Variants in PSG8 observed in about 807,000 individuals in gnomAD.
PSG8 encodes the protein pregnancy specific beta-1-glycoprotein 8, also known as pregnancy-specific beta-1-glycoprotein 8.
In PSG8, 57 loss-of-function variants were observed where a neutral mutation model predicts 42.5. The ratio of observed to expected loss-of-function variants is 1.34; its 90% CI spans 1.08 to 1.67. PSG8 has a LOEUF of 1.67. PSG8 is among the 40% of genes most tolerant of loss of function. The pLI, the probability that PSG8 is intolerant of heterozygous loss-of-function variation, is 0.00. For synonymous variants in PSG8, 280 were observed against 196.8 expected (o/e 1.42, Z -3.54); for missense variants, 783 against 518.6 (o/e 1.51, Z -4.95).
intron 3 of PSG8, chr19:42,756,049 G>A (rs1207093855): frequency 6.6e-6 from 1 of 152,366 alleles, no homozygotes; most frequent in African/African-American, 2.4e-5. Context: ...GGACCATGTG[G>A]ATCTTTCCAG....
At chr19:42,757,462 A>T (rs959412201) in intron 3 of PSG8, among the ~76,000 whole-genome samples, 1 of 152,002 alleles carries the variant, frequency 6.6e-6, no homozygotes, top group African/African-American at 2.4e-5. Context: ...ACTTGTGCTG[A>T]TTGCTGGAAC....
chr19:42,765,253 C>T (rs183412987), intron 1 of PSG8, among the ~76,000 whole-genome samples: 21 of 151,682 alleles, frequency 1.4e-4, no homozygotes, highest in African/African-American at 2.2e-4. Flanking sequence ...CCTGGGTTCA[C>T]GTGATTCTTC....
chr19:42,753,372 C>T (rs756918298), downstream of PSG8: 13 of 780,136 alleles, frequency 1.7e-5, no homozygotes, highest in African/African-American at 5.1e-5. Context: ...AGGGTAATGT[C>T]CAGTCTACAG....
intron 3 of PSG8, 65 bp downstream of exon 3, chr19:42,757,937 C>T (rs1221836144): frequency 2.5e-5 from 41 of 1,613,686 alleles, no homozygotes; most frequent in African/African-American, 4.0e-5. Flanking sequence ...GACTGAGAGG[C>T]CTGGTCTCTG....
intron 2 of PSG8, among the ~76,000 whole-genome samples, chr19:42,760,060 G>A (rs1256962470): frequency 6.6e-6 from 1 of 152,158 alleles, no homozygotes; most frequent in Non-Finnish European, 1.5e-5. Flanking sequence ...TCTAAATTCT[G>A]TGCAGAGTTA....
intron 2 of PSG8, among the ~76,000 whole-genome samples, chr19:42,763,527 G>T (rs1970129319): frequency 1.3e-5 from 2 of 152,142 alleles, no homozygotes; most frequent in African/African-American, 4.8e-5. Flanking sequence ...ACTGTTCTGG[G>T]GGTGAGGCTT....
chr19:42,755,061 T>C lies in PSG8; in HGVS notation c.915A>G (p.Thr305=), dbSNP rs1438518130. The part of the protein sequence containing the change: ...LILPSVTRNE[T]GPYQCEIRDQ... ...CCCTTATTTCACATTGATAGGGTCC[T>C]GTTTCATTTCTCGTGACACTGGGTA... Residue 305 remains threonine, a synonymous_variant, in exon 4 of 5, where the codon ACA becomes ACG. Coordinates refer to ENST00000306511, the MANE Select transcript of PSG8 (RefSeq NM_182707.3). 2 of 1,612,808 alleles carry C rather than the reference T, an allele frequency of 1.2e-6. No homozygotes were observed. The highest frequency in any genetic ancestry group is 1.9e-4 in the Middle Eastern group (1 of 5,214).
chr19:42,761,987 T>G (rs1970088210), intron 2 of PSG8, among the ~76,000 whole-genome samples: 1 of 151,980 alleles, frequency 6.6e-6, no homozygotes, highest in Admixed American at 6.5e-5. Context: ...TGGAAGCTCA[T>G]TCTCTTAGTG....
Position 42,755,917 on chromosome 19 carries a change from G to A in PSG8, c.710-651C>T, listed in dbSNP as rs998584115. ...TGAACCAGTGACCTCTAAAGATAGA[G>A]CAGAGTGCAAGGAATGATCTAGAAA... On this transcript the variant is annotated intron_variant, in intron 3 of 4. Transcript: ENST00000306511. 1.9e-5 allele frequency: 3 copies of A among 156,222 alleles called. No individual in the cohort carries two copies. In the East Asian group the frequency reaches 5.7e-4, roughly 30 times the overall value. 9.7% of individuals were successfully genotyped at this position (156,222 alleles called of 1,614,324 possible).
chr19:42,761,851 T>TTC (rs1970084139), intron 2 of PSG8, among the ~76,000 whole-genome samples: 1 of 130,160 alleles, frequency 7.7e-6, no homozygotes. Context: ...TTTTTTTTTT[T>TTC]TGTGCAGGAG....
At chr19:42,752,943 G>GGGTTGAGACGGTTGAGA, downstream of PSG8, 1 of 352,268 alleles carries the variant, frequency 2.8e-6, no homozygotes, top group Middle Eastern at 8.1e-4. Flanking sequence ...GAGATGTTAT[G>GGGTTGAGACGGTTGAGA]TAAAAGTTTG....
Position 42,764,012 on chromosome 19 carries a change from C to G in PSG8, c.334G>C (p.Val112Leu). The change falls in exon 2 of 5, where the codon GTC becomes CTC. Residue 112 changes from valine to leucine, a missense_variant. Transcript: ENST00000306511. The stretch of plus-strand genomic sequence containing the variant: ...TAGGATCCTGCGTCTTCCTGGGTGA[C>G]ATTCTGGATCAGCAGGGATGCATTG... ...YSNASLLIQN[V>L]TQEDAGSYTL... 6.2e-7 allele frequency: 1 copy of G among 1,613,068 alleles called. No individual in the cohort carries two copies. The highest frequency in any genetic ancestry group is 8.5e-7 in the Non-Finnish European group (1 of 1,179,704).
Position 42,765,573 on chromosome 19 carries a change from G to C in PSG8, c.9C>G (p.Leu3=), listed in dbSNP as rs753133021. Residue 3 remains leucine (L), a synonymous_variant, in exon 1 of 5, where the codon CTC becomes CTG. Coordinates refer to ENST00000306511, the MANE Select transcript of PSG8 (RefSeq NM_182707.3). MG[L]LSAPPCTQRI... is the part of the protein sequence containing the mutation. Reference sequence around the variant, plus strand: ...GCTGTGTGCAGGGAGGGGCTGAGAGGAGCCCCATGGTCTCTGCTGTCTGTG... The same window carrying C: ...GCTGTGTGCAGGGAGGGGCTGAGAGCAGCCCCATGGTCTCTGCTGTCTGTG... 1.6e-5 allele frequency: 25 copies of C among 1,610,986 alleles called. No individual in the cohort carries two copies. The highest frequency in any genetic ancestry group is 1.9e-5 in the Non-Finnish European group (22 of 1,177,964).
chr19:42,762,572 CTG>C (rs1331443773), intron 2 of PSG8, among the ~76,000 whole-genome samples: 6 of 151,990 alleles, frequency 3.9e-5, no homozygotes, highest in East Asian at 1.9e-4. Context: ...GAGTGTGTGT[CTG>C]TCTCGCTGGG....
chr19:42,762,513 T>C (rs1970103486), intron 2 of PSG8, among the ~76,000 whole-genome samples: 1 of 152,044 alleles, frequency 6.6e-6, no homozygotes, highest in Non-Finnish European at 1.5e-5. Flanking sequence ...AAAGAGGTTT[T>C]GGATCATTCA....
In PSG8 at chr19:42,764,188, A is replaced by G. The variant is rs571272164; in HGVS notation, c.158T>C (p.Leu53Pro). ...TKVSEGKDVL[L>P]LVHNLPQNLT... The stretch of plus-strand genomic sequence containing the variant: ...ATTCTGGGGCAAATTGTGGACAAGT[A>G]GAAGAACATCCTTCCCCTCAGAAAC... Residue 53 changes from leucine to proline, a missense_variant, in exon 2 of 5, where the codon CTA becomes CCA. Coordinates refer to ENST00000306511, the MANE Select transcript of PSG8 (RefSeq NM_182707.3). 9.7e-5 allele frequency: 156 copies of G among 1,613,878 alleles called. No homozygotes were observed. The highest frequency in any genetic ancestry group is 1.3e-4 in the Non-Finnish European group (148 of 1,179,872).
At chr19:42,753,264 G>C, downstream of PSG8, 1 of 779,330 alleles carries the variant, frequency 1.3e-6, no homozygotes, top group Non-Finnish European at 2.4e-6. Context: ...TTTACATTGA[G>C]TTGTCCACCT....
rs567725717 is a variant in PSG8 at position 42,754,264 on chromosome 19, G to A, written c.*31C>T. The stretch of plus-strand genomic sequence containing the variant: ...AGGCTGGGAATAAAAATGTTTTCCT[G>A]ACTCTTCCCTGAAGGCCAGATAGAC... On this transcript the variant is annotated 3_prime_UTR_variant, in exon 5 of 5. Transcript: ENST00000306511. 109 of 1,606,378 alleles carry A rather than the reference G, an allele frequency of 6.8e-5. No homozygotes were observed. Among genetic ancestry groups the A allele is most frequent in the Non-Finnish European group, 9.1e-5 (107 of 1,176,416 alleles).
At position 42,755,296 on chromosome 19, in the gene PSG8, T is replaced by C. The variant is rs775149633; in HGVS notation, c.710-30A>G. 10 of 1,592,810 alleles carry C rather than the reference T, an allele frequency of 6.3e-6. No individual in the cohort carries two copies. In the South Asian group the frequency reaches 6.9e-5, roughly 11 times the overall value. ...GTGGATAACAGAGAGAAGATTGTCCTGTGTGGCACCTTTGATTCCTCCACA... is the reference window on the plus strand; with the variant it reads ...GTGGATAACAGAGAGAAGATTGTCCCGTGTGGCACCTTTGATTCCTCCACA... On this transcript the variant is annotated intron_variant, in intron 3 of 4. Coordinates refer to ENST00000306511, the MANE Select transcript of PSG8 (RefSeq NM_182707.3).
Sources: allele counts gnomAD v4.1 joint callset (sites outside exome capture counted in the v4.1 genomes callset), GRCh38; gene constraint gnomAD v4.1.1; transcripts MANE v1.5; gene names NCBI Gene and HGNC (gene_info 2026-07-23, HGNC 2026-07-21).